The following CCDC102B variants were observed in gnomAD, a reference collection of about 807,000 sequenced individuals.
The protein encoded by CCDC102B is coiled-coil domain-containing protein 102B.
Under a neutral mutation model 57.4 loss-of-function variants are expected in CCDC102B, and 75 were observed. The observed-to-expected ratio is 1.31, with a 90% CI of 1.08 to 1.58. The LOEUF (loss-of-function observed/expected upper bound fraction) is 1.58. Among genes scored for constraint, CCDC102B ranks in the 40% most tolerant of loss-of-function variants. The pLI is 0.00. For missense variants in CCDC102B, 636 were observed against 582.6 expected (o/e 1.09, Z -0.94); for synonymous variants, 206 against 201.9 (o/e 1.02, Z -0.17).
intron 4 of CCDC102B, among the ~76,000 whole-genome samples, chr18:68,847,035 T>C (rs2037898408): frequency 6.6e-6 from 1 of 151,860 alleles, no homozygotes; most frequent in African/African-American, 2.4e-5. Flanking sequence ...AGTAATATTT[T>C]ACATGTTATG....
chr18:68,782,547 C>T (rs73970709), intron 2 of CCDC102B, among the ~76,000 whole-genome samples: 9,838 of 152,124 alleles, frequency 0.065, 600 homozygotes, highest in African/African-American at 0.16. Flanking sequence ...TTTGCATGTC[C>T]TCTGCTTTGA....
chr18:68,794,367 T>A (rs1322222902), upstream of CCDC102B, among the ~76,000 whole-genome samples: 1 of 152,156 alleles, frequency 6.6e-6, no homozygotes, highest in Non-Finnish European at 1.5e-5. Context: ...TTTCCACTTA[T>A]GTTTCATTGG....
intron 6 of CCDC102B, among the ~76,000 whole-genome samples, chr18:68,966,228 G>A (rs932478077): frequency 1.3e-5 from 2 of 151,918 alleles, no homozygotes; most frequent in African/African-American, 4.8e-5. Context: ...ACTATATTGG[G>A]TCTACTGGTA....
At position 68,960,816 on chromosome 18, in the gene CCDC102B, A is replaced by G. The variant is rs185022568; in HGVS notation, c.1264-50118A>G. ...GCACTGAGTTCCAATGCAATGGCTC[A>G]CAATCACTGTACCCTCTCTCAAGTG... On this transcript the variant is annotated intron_variant, in intron 6 of 7. Transcript: ENST00000360242. Among the ~76,000 whole-genome samples the G allele has an allele frequency of 5.4e-3, 820 of 152,276 alleles. 4 individuals are homozygous for G. The highest frequency in any genetic ancestry group is 9.4e-3 in the Non-Finnish European group (636 of 68,000).
At chr18:68,871,782 T>C (rs1422811149) in intron 4 of CCDC102B, among the ~76,000 whole-genome samples, 3 of 152,162 alleles carry the variant, frequency 2.0e-5, no homozygotes, top group Non-Finnish European at 4.4e-5. Flanking sequence ...CTTTGATTTA[T>C]ATAATAAGTT....
chr18:68,786,065 G>T (rs1380162202), intron 2 of CCDC102B, among the ~76,000 whole-genome samples: 2 of 150,586 alleles, frequency 1.3e-5, no homozygotes, highest in African/African-American at 4.9e-5. Context: ...AGTTTTCCCA[G>T]CACCATTTAT....
At chr18:68,892,088 G>A (rs983833034) in intron 5 of CCDC102B, among the ~76,000 whole-genome samples, 31 of 152,146 alleles carry the variant, frequency 2.0e-4, no homozygotes, top group African/African-American at 7.0e-4. Flanking sequence ...AAGCTTTTGG[G>A]TAGGAGGATG....
chr18:68,900,595 T>C (rs761838117), intron 6 of CCDC102B, among the ~76,000 whole-genome samples: 13 of 152,132 alleles, frequency 8.5e-5, no homozygotes, highest in Non-Finnish European at 1.8e-4. Context: ...AAAATTATAG[T>C]GGCATCGAAA....
chr18:68,928,882 C>T (rs1289367599), intron 6 of CCDC102B, among the ~76,000 whole-genome samples: 3 of 151,612 alleles, frequency 2.0e-5, no homozygotes, highest in Admixed American at 6.6e-5. Context: ...AATGAGGAGT[C>T]GTGGTATCTA....
chr18:68,858,658 G>A (rs550693622), intron 4 of CCDC102B, among the ~76,000 whole-genome samples: 44 of 152,134 alleles, frequency 2.9e-4, no homozygotes, highest in South Asian at 1.0e-3. Context: ...TTTGAGGTAC[G>A]CCTCAGTTTT....
In CCDC102B at chr18:69,010,947, T is replaced by C. The variant is rs567681416; in HGVS notation, c.1277T>C (p.Leu426Pro). The C allele has an allele frequency of 6.3e-7, 1 of 1,595,004 alleles. No individual in the cohort carries two copies. The highest frequency in any genetic ancestry group is 1.7e-5 in the Admixed American group (1 of 58,500). The part of the protein sequence containing the change: ...LQEKNQELLN[L>P]QHAYYKLNRQ... ...TTCCTTTGAAAGGAATTACTGAACC[T>C]TCAACATGCCTACTATAAACTAAAC... The change falls in exon 7 of 8, where the codon CTT (leucine) becomes CCT (proline). Residue 426 changes from leucine (L) to proline (P), a missense_variant. Coordinates refer to ENST00000360242, the MANE Select transcript of CCDC102B (RefSeq NM_024781.3).
intron 1 of CCDC102B, among the ~76,000 whole-genome samples, chr18:68,800,803 A>G (rs1228960945): frequency 3.3e-5 from 5 of 152,174 alleles, no homozygotes; most frequent in Non-Finnish European, 2.9e-5. Context: ...GCATAAATAA[A>G]ATTCACATTG....
At chr18:68,934,191 C>A (rs2041771264) in intron 6 of CCDC102B, among the ~76,000 whole-genome samples, 1 of 151,836 alleles carries the variant, frequency 6.6e-6, no homozygotes, top group Non-Finnish European at 1.5e-5. Context: ...TTGGGAAATT[C>A]TATGAATTAT....
chr18:68,831,091 C>T (rs543118602), intron 1 of CCDC102B, among the ~76,000 whole-genome samples: 1 of 151,892 alleles, frequency 6.6e-6, no homozygotes, highest in Non-Finnish European at 1.5e-5. Flanking sequence ...CCCCTTAAAG[C>T]TTATAGAAAA....
At chr18:68,850,703 T>C (rs2144833387) in intron 4 of CCDC102B, among the ~76,000 whole-genome samples, 1 of 152,224 alleles carries the variant, frequency 6.6e-6, no homozygotes, top group South Asian at 2.1e-4. Flanking sequence ...TTGTCCTTTC[T>C]TTATCATTTC....
At chr18:68,900,899 T>G (rs1358580790) in intron 6 of CCDC102B, among the ~76,000 whole-genome samples, 1 of 152,158 alleles carries the variant, frequency 6.6e-6, no homozygotes, top group Non-Finnish European at 1.5e-5. Flanking sequence ...ACGTGCTTAA[T>G]GGATGCAAGA....
At chr18:68,968,180 A>G (rs1274182091) in intron 6 of CCDC102B, among the ~76,000 whole-genome samples, 1 of 152,170 alleles carries the variant, frequency 6.6e-6, no homozygotes, top group Non-Finnish European at 1.5e-5. Context: ...ACAAACCTAG[A>G]TGATATAGCC....
intron 1 of CCDC102B, among the ~76,000 whole-genome samples, chr18:68,833,947 C>T (rs1444221408): frequency 6.6e-6 from 1 of 152,116 alleles, no homozygotes; most frequent in African/African-American, 2.4e-5. Flanking sequence ...GTCCTACAAC[C>T]ACTGGCAAAT....
At chr18:68,927,700 C>A (rs778738554) in intron 6 of CCDC102B, among the ~76,000 whole-genome samples, 2 of 151,896 alleles carry the variant, frequency 1.3e-5, no homozygotes, top group African/African-American at 4.8e-5. Flanking sequence ...GGATATAATA[C>A]TAACCAAGAC....
Sources: gnomAD v4.1 joint callset for allele counts (sites outside exome capture counted in the v4.1 genomes callset) on GRCh38, gnomAD v4.1.1 for gene constraint, MANE v1.5 for transcripts, NCBI Gene and HGNC (gene_info 2026-07-23, HGNC 2026-07-21) for gene names.